FANCB: variants seen among roughly 807,000 people sequenced by gnomAD.
FANCB encodes the protein Fanconi anemia group B protein.
Under a neutral mutation model 38.9 loss-of-function variants are expected in FANCB, and 5 were observed. The observed-to-expected ratio is 0.13, with a 90% CI of 0.07 to 0.27. FANCB has a LOEUF of 0.27. Among genes scored for constraint, FANCB ranks in the 10% least tolerant of loss-of-function variants. FANCB has a pLI of 1.00. For synonymous variants in FANCB, 236 were observed against 215.4 expected (o/e 1.10, Z -0.84); for missense variants, 573 against 602.7 (o/e 0.95, Z 0.52).
chrX:14,857,667 G>A (rs902115950), intron 5 of FANCB, among the ~76,000 whole-genome samples, 195 bp downstream of exon 5: 2 of 111,343 alleles, frequency 1.8e-5, no homozygotes, highest in Non-Finnish European at 3.8e-5. Flanking sequence ...CTACAAAAAA[G>A]GTATGTTTAG....
chrX:14,852,232 G>A (rs1420497669), intron 6 of FANCB, among the ~76,000 whole-genome samples: 5 of 106,539 alleles, frequency 4.7e-5, no homozygotes, highest in African/African-American at 1.0e-4. Context: ...GCAATGGCGC[G>A]ATCTCAGCTC....
the FANCB span, among the ~76,000 whole-genome samples, chrX:14,808,778 T>C: frequency 8.9e-6 from 1 of 112,510 alleles, no homozygotes; most frequent in Admixed American, 9.4e-5. Flanking sequence ...CAAATTATCC[T>C]TGTTTGCTGA....
chrX:14,826,314 C>A, the FANCB span, among the ~76,000 whole-genome samples: 35 of 111,845 alleles, frequency 3.1e-4, no homozygotes, highest in African/African-American at 1.0e-3. Flanking sequence ...TTGGACTAAG[C>A]CTGTTTCACA....
At chrX:14,781,514 G>A in the FANCB span, among the ~76,000 whole-genome samples, 2 of 111,732 alleles carry the variant, frequency 1.8e-5, no homozygotes, top group African/African-American at 6.5e-5. Flanking sequence ...CCTCTCTGAA[G>A]GATGAGAGGC....
At chrX:14,800,283 G>A in the FANCB span, among the ~76,000 whole-genome samples, 1 of 111,845 alleles carries the variant, frequency 8.9e-6, no homozygotes, top group Non-Finnish European at 1.9e-5. Context: ...TAGACCAGTA[G>A]AAACACTGTT....
the FANCB span, among the ~76,000 whole-genome samples, chrX:14,822,227 G>A: frequency 1.8e-5 from 2 of 110,496 alleles, no homozygotes; most frequent in Non-Finnish European, 3.8e-5. Flanking sequence ...AGATTCAGGG[G>A]CATAAGGGTG....
intron 1 of FANCB, among the ~76,000 whole-genome samples, chrX:14,870,169 T>C (rs1016858502): frequency 3.6e-5 from 4 of 111,881 alleles, no homozygotes; most frequent in African/African-American, 1.3e-4. Flanking sequence ...TGCTGCAACA[T>C]CTATTTTTAA....
At chrX:14,785,043 T>C in the FANCB span, among the ~76,000 whole-genome samples, 1 of 111,515 alleles carries the variant, frequency 9.0e-6, no homozygotes, top group Non-Finnish European at 1.9e-5. Context: ...AGGAGAGCAT[T>C]AGGAAGAATA....
the FANCB span, among the ~76,000 whole-genome samples, chrX:14,810,562 A>G: frequency 1.8e-5 from 2 of 112,082 alleles, no homozygotes; most frequent in Admixed American, 9.4e-5. Flanking sequence ...AAGAAAGGGT[A>G]TCAGTGATGG....
intron 1 of FANCB, among the ~76,000 whole-genome samples, chrX:14,872,700 G>A (rs1160747999): frequency 1.1e-5 from 1 of 92,226 alleles, no homozygotes; most frequent in Non-Finnish European, 2.0e-5. Context: ...GCCGAAACAC[G>A]CTTTTTTTAA....
the FANCB span, among the ~76,000 whole-genome samples, chrX:14,800,523 A>C: frequency 8.9e-6 from 1 of 111,736 alleles, no homozygotes; most frequent in Non-Finnish European, 1.9e-5. Context: ...TCTAGCTTCC[A>C]GAAAGGCGAG....
chrX:14,844,454 C>T, intron 9 of FANCB, 49 bp downstream of exon 9: 2 of 886,458 alleles, frequency 2.3e-6, no homozygotes, highest in South Asian at 4.0e-5. Context: ...ATTGATCACA[C>T]TCATACACAC....
At chrX:14,839,178 C>T (rs981560987), downstream of FANCB, among the ~76,000 whole-genome samples, 2 of 110,973 alleles carry the variant, frequency 1.8e-5, no homozygotes, top group Non-Finnish European at 3.8e-5. Flanking sequence ...CCTGTAGTCC[C>T]GGCTACTTGG....
chrX:14,827,625 C>T, the FANCB span, among the ~76,000 whole-genome samples: 8 of 111,906 alleles, frequency 7.1e-5, no homozygotes, highest in East Asian at 2.8e-4. Context: ...GGGTAAAGAA[C>T]GAAGGCTGCT....
At chrX:14,758,639 A>G in the FANCB span, among the ~76,000 whole-genome samples, 1 of 111,751 alleles carries the variant, frequency 8.9e-6, no homozygotes, top group African/African-American at 3.3e-5. Context: ...ACTGCAGTTC[A>G]GCTCTCAGAA....
At chrX:14,750,508 C>G in the FANCB span, among the ~76,000 whole-genome samples, 2 of 111,625 alleles carry the variant, frequency 1.8e-5, no homozygotes, top group Non-Finnish European at 3.8e-5. Flanking sequence ...TTGGAGATGA[C>G]ATACATCACT....
At chrX:14,717,792 T>G in the FANCB span, among the ~76,000 whole-genome samples, 27 of 109,883 alleles carry the variant, frequency 2.5e-4, 1 homozygote, top group Non-Finnish European at 2.3e-4. Context: ...TATCAAGAAT[T>G]TTTTGAGCAC....
chrX:14,856,733 CAA>C (rs888066761), intron 5 of FANCB, among the ~76,000 whole-genome samples: 1 of 111,255 alleles, frequency 9.0e-6, no homozygotes, highest in Non-Finnish European at 1.9e-5. Context: ...GAGACAAATC[CAA>C]AAGAGAGGAT....
the FANCB span, among the ~76,000 whole-genome samples, chrX:14,746,775 T>C: frequency 7.1e-5 from 8 of 112,245 alleles, no homozygotes; most frequent in African/African-American, 2.3e-4. Flanking sequence ...TTAAGTACAT[T>C]TGAGACCTAT....
Sources: gnomAD v4.1 joint callset for allele counts (sites outside exome capture counted in the v4.1 genomes callset) on GRCh38, gnomAD v4.1.1 for gene constraint, MANE v1.5 for transcripts, NCBI Gene and HGNC (gene_info 2026-07-23, HGNC 2026-07-21) for gene names.